CEP131: variants seen among roughly 807,000 people sequenced by gnomAD.
CEP131 encodes centrosomal protein 131, also known as centrosomal protein of 131 kDa.
CEP131 carries 99 observed loss-of-function variants against 136.8 expected under a neutral mutation model. That is an observed-to-expected ratio of 0.72 (90% CI 0.62 to 0.86). The LOEUF is 0.86. CEP131 is among the 40% of genes least tolerant of loss of function. The pLI, the probability that CEP131 is intolerant of heterozygous loss-of-function variation, is 0.00. For synonymous variants in CEP131, 646 were observed against 612.7 expected (o/e 1.05, Z -0.80); for missense variants, 1,459 against 1,463.0 (o/e 1.00, Z 0.04).
intron 17 of CEP131, 91 bp from the exon 18 acceptor site, chr17:81,194,218 G>C: frequency 7.9e-7 from 1 of 1,265,308 alleles, no homozygotes; most frequent in Non-Finnish European, 1.1e-6. Context: ...CTCAGGCCCA[G>C]AGGGGACCCC....
chr17:81,194,789 G>T (rs1324099742), intron 17 of CEP131, 81 bp downstream of exon 17: 19 of 1,154,394 alleles, frequency 1.6e-5, no homozygotes, highest in Non-Finnish European at 2.5e-5. Flanking sequence ...ATGAATGCCT[G>T]AAGTTATGGC....
intron 21 of CEP131, 71 bp downstream of exon 21, chr17:81,192,247 G>C: frequency 6.9e-7 from 1 of 1,457,100 alleles, no homozygotes; most frequent in South Asian, 1.2e-5. Flanking sequence ...AACCCACCTG[G>C]GGCAGCCCCC....
intron 16 of CEP131, 72 bp from the exon 17 acceptor site, chr17:81,195,044 G>C (rs550167012): frequency 8.5e-7 from 1 of 1,182,276 alleles, no homozygotes; most frequent in Admixed American, 1.9e-5. Flanking sequence ...TGTGGGCACA[G>C]TCAGGGCCGG....
Position 81,203,056 on chromosome 17 carries a change from A to G in CEP131, c.629+438T>C, listed in dbSNP as rs953456758. On this transcript the variant is annotated intron_variant, in intron 6 of 25. Transcript: ENST00000450824. The surrounding 1 kb of genome is among the most constrained non-coding windows in gnomAD (Gnocchi z 4.6). ...CTGAGCAACCCCAAGGCCATCCCCA[A>G]TCCCCGCAAGACCATGTGGTGGTGG... Among the ~76,000 whole-genome samples the G allele has an allele frequency of 2.0e-5, 3 of 151,790 alleles. No homozygotes were observed. Among genetic ancestry groups the G allele is most frequent in the Admixed American group, 2.0e-4 (3 of 15,266 alleles).
Position 81,195,863 on chromosome 17 carries a change from A to T in CEP131, c.1988T>A (p.Val663Glu). 6.2e-7 allele frequency: 1 copy of T among 1,607,224 alleles called. No homozygotes were observed. The highest frequency in any genetic ancestry group is 1.7e-4 in the Middle Eastern group (1 of 5,914). The change falls in exon 16 of 26, where the codon GTG (valine) becomes GAG (glutamate). Residue 663 changes from valine to glutamate, a missense_variant. Physicochemically the swap from Val to Glu is moderately radical, Grantham distance 121. Transcript: ENST00000450824. ...KQEDQRCTERVAQAQAQHELE... is the reference protein window; with the variant it reads ...KQEDQRCTEREAQAQAQHELE... Reference sequence around the variant, plus strand: ...CTCGTGCTGCGCCTGTGCCTGGGCCACACGCTCGGTGCATCTCTGGTCCTC... The same window carrying T: ...CTCGTGCTGCGCCTGTGCCTGGGCCTCACGCTCGGTGCATCTCTGGTCCTC...
At chr17:81,199,612 A>G in intron 9 of CEP131, 63 bp from the exon 10 acceptor site, 2 of 1,591,492 alleles carry the variant, frequency 1.3e-6, no homozygotes, top group East Asian at 2.3e-5. Context: ...TCCACAGCCA[A>G]GCTGCCCTGA....
At chr17:81,206,358 G>A (rs2062008718) in intron 5 of CEP131, among the ~76,000 whole-genome samples, 1 of 152,150 alleles carries the variant, frequency 6.6e-6, no homozygotes, top group Admixed American at 6.5e-5. Flanking sequence ...GTCCCCTGAG[G>A]CCTAGCCCAA....
intron 2 of CEP131, among the ~76,000 whole-genome samples, chr17:81,214,703 T>C (rs2146713665): frequency 6.6e-6 from 1 of 152,306 alleles, no homozygotes; most frequent in East Asian, 1.9e-4. Context: ...GCAGGCCCCG[T>C]GGCACCCTGT....
At position 81,190,658 on chromosome 17, in the gene CEP131, G is replaced by A. The variant is rs1349677418; in HGVS notation, c.3088C>T (p.Leu1030=). The change falls in exon 24 of 26, where the codon CTG becomes TTG. Residue 1030 remains leucine (L), a synonymous_variant. Coordinates refer to ENST00000450824, the MANE Select transcript of CEP131 (RefSeq NM_014984.4). ...ATLQARQQLE[L]EEVHRRVKTA... ...GCCCACCTCCGGTGCACCTCCTCCA[G>A]CTCCAGCTGCTGGCGGGCCTGCAGC... 1.3e-6 allele frequency: 2 copies of A among 1,595,780 alleles called. No homozygotes were observed. Among genetic ancestry groups the A allele is most frequent in the African/African-American group, 1.3e-5 (1 of 74,690 alleles).
rs1198981473 is a variant in CEP131, at chr17:81,192,564, T to A, written c.2459A>T (p.Gln820Leu). 6.2e-7 allele frequency: 1 copy of A among 1,609,132 alleles called. No individual in the cohort carries two copies. The highest frequency in any genetic ancestry group is 8.5e-7 in the Non-Finnish European group (1 of 1,179,418). ...RQRAELEELR[Q>L]QLEESSSALT... ...TGCAGAGCTGCTCTCCTCCAGCTGC[T>A]GCCTCAGCTCTTCCAGCTCCGCCCG... Residue 820 changes from glutamine (Q) to leucine (L), a missense_variant, in exon 20 of 26, where the codon CAG becomes CTG. This residue lies in a region of CEP131 where 1,026 missense variants were observed against 964.2 expected (regional missense o/e 1.06). Coordinates refer to ENST00000450824, the MANE Select transcript of CEP131 (RefSeq NM_014984.4).
At chr17:81,196,904 G>T in intron 14 of CEP131, 26 bp downstream of exon 14, 1 of 1,607,626 alleles carries the variant, frequency 6.2e-7, no homozygotes, top group Non-Finnish European at 8.5e-7. Flanking sequence ...AGCAGGGCCC[G>T]GGATTAGCAG....
At position 81,217,686 on chromosome 17, in the gene CEP131, C is replaced by G. The variant is rs1405516981; in HGVS notation, c.177+2194G>C. On this transcript the variant is annotated intron_variant, in intron 2 of 25. Transcript: ENST00000450824. ...GCCGTCTCGGATCGAGCGAGGGCCT[C>G]AAAGAATTGAAGTGAACAGCTGGAA... 2.6e-5 allele frequency among the ~76,000 whole-genome samples: 4 copies of G among 152,104 alleles called. No individual in the cohort carries two copies. In the East Asian group the frequency reaches 7.7e-4, roughly 29 times the overall value.
intron 7 of CEP131, among the ~76,000 whole-genome samples, chr17:81,200,849 C>T (rs2061875543): frequency 6.6e-6 from 1 of 152,216 alleles, no homozygotes; most frequent in Admixed American, 6.5e-5. Flanking sequence ...GCCGTGGCTC[C>T]ACAGAGAGGG....
Position 81,202,117 on chromosome 17 carries a change from A to G in CEP131, c.788+123T>C, listed in dbSNP as rs965101314. The G allele has an allele frequency of 5.4e-5, 31 of 574,252 alleles. 1 individual carries two copies. The highest frequency in any genetic ancestry group is 7.4e-5 in the Non-Finnish European group (31 of 418,166). 35.6% of individuals were successfully genotyped at this position (574,252 alleles called of 1,614,324 possible). A position where few individuals can be genotyped will look rare whatever the true frequency, so the allele number is the denominator to read the frequency against. On this transcript the variant is annotated intron_variant, in intron 7 of 25. Coordinates refer to ENST00000450824, the MANE Select transcript of CEP131 (RefSeq NM_014984.4). The stretch of plus-strand genomic sequence containing the variant: ...CTCTGTCTCAAAAAAAAAAAAAATT[A>G]AATTAAAACAATTATTAAATGGAAA...
At chr17:81,204,150 G>A (rs2061954207) in intron 5 of CEP131, 1 of 153,302 alleles carries the variant, frequency 6.5e-6, no homozygotes, top group South Asian at 2.0e-4. Context: ...TGTGGGGAGG[G>A]AGGGCGAGGA....
chr17:81,218,210 T>C (rs966037998), intron 2 of CEP131, among the ~76,000 whole-genome samples: 21 of 152,298 alleles, frequency 1.4e-4, no homozygotes, highest in Non-Finnish European at 3.1e-4. Flanking sequence ...GCCCGGCTAA[T>C]TTTTGCATTT....
rs369205399 is a variant in CEP131 at position 81,193,943 on chromosome 17, G to A, written c.2304C>T (p.Arg768=). The A allele has an allele frequency of 7.2e-6, 11 of 1,538,146 alleles. No individual in the cohort carries two copies. Among genetic ancestry groups the A allele is most frequent in the East Asian group, 4.9e-5 (2 of 40,830 alleles). Residue 768 remains arginine (R), a synonymous_variant, in exon 18 of 26, where the codon CGC becomes CGT. Transcript: ENST00000450824. The part of the protein sequence containing the change: ...REKEALGQQE[R]ERARQRFQQH... ...CCACCCACCGCTGCCGAGCACGTTC[G>A]CGCTCCTGCTGGCCCAGCGCCTCCT... is the stretch of plus-strand genomic sequence containing the variant.
chr17:81,190,857 C>T, intron 23 of CEP131, 50 bp downstream of exon 23: 2 of 1,591,916 alleles, frequency 1.3e-6, no homozygotes, highest in Non-Finnish European at 1.7e-6. Context: ...TGCGTGCATG[C>T]AGGAGGGGCC....
intron 2 of CEP131, among the ~76,000 whole-genome samples, chr17:81,213,839 A>C (rs936348833): frequency 1.3e-5 from 2 of 152,204 alleles, no homozygotes; most frequent in Non-Finnish European, 2.9e-5. Context: ...GGATGGGGTG[A>C]GAAGAGTACT....
Sources: allele counts gnomAD v4.1 joint callset (sites outside exome capture counted in the v4.1 genomes callset), GRCh38; gene constraint gnomAD v4.1.1; regional missense constraint gnomAD v4.1.1; non-coding constraint Gnocchi (gnomAD v3.1); transcripts MANE v1.5; gene names NCBI Gene and HGNC (gene_info 2026-07-23, HGNC 2026-07-21).